The following CLYBL variants were observed in gnomAD, a reference collection of about 807,000 sequenced individuals.
CLYBL encodes the protein citramalyl-CoA lyase, mitochondrial.
CLYBL carries 31 observed loss-of-function variants against 38.9 expected under a neutral mutation model. That is an observed-to-expected ratio of 0.80 (90% confidence interval 0.60 to 1.08). The LOEUF is 1.08. CLYBL is among the 50% of genes least tolerant of loss of function. The pLI is 0.00. For synonymous variants in CLYBL, 171 were observed against 158.6 expected (o/e 1.08, Z -0.59); for missense variants, 434 against 411.6 (o/e 1.05, Z -0.47).
At chr13:99,651,667 C>G (rs2047254987) in intron 1 of CLYBL, among the ~76,000 whole-genome samples, 1 of 152,160 alleles carries the variant, frequency 6.6e-6, no homozygotes, top group Non-Finnish European at 1.5e-5. Context: ...TGCAGTGGCT[C>G]ACGCCTGTAA....
In CLYBL at chr13:99,880,798, G is replaced by C. The variant is rs112101976; in HGVS notation, c.927+9736G>C. Among the ~76,000 whole-genome samples the C allele has an allele frequency of 1.3e-3, 200 of 152,344 alleles. 3 individuals carry two copies. Among genetic ancestry groups the C allele is most frequent in the South Asian group, 3.9e-3 (19 of 4,830 alleles). On this transcript the variant is annotated intron_variant, in intron 7 of 8. Coordinates refer to ENST00000339105, the MANE Select transcript of CLYBL (RefSeq NM_206808.5). The stretch of plus-strand genomic sequence containing the variant: ...CCCTTCCGTGCCCCTCATGGCCCTG[G>C]CCTCTGAGTGACAGCCAGAGAGCTA...
chr13:99,811,766 C>T (rs909777783), intron 2 of CLYBL, among the ~76,000 whole-genome samples: 2 of 152,146 alleles, frequency 1.3e-5, no homozygotes, highest in East Asian at 3.9e-4. Flanking sequence ...ACAAACAGGG[C>T]ACTCAGCTTC....
downstream of CLYBL, chr13:99,895,229 A>C (rs1453170167): frequency 6.6e-6 from 1 of 152,088 alleles, no homozygotes; most frequent in African/African-American, 2.4e-5. Flanking sequence ...TGATGCCACG[A>C]GGAGAAAAAA....
chr13:99,607,654 G>A (rs184166547), intron 1 of CLYBL, among the ~76,000 whole-genome samples: 2 of 152,332 alleles, frequency 1.3e-5, no homozygotes, highest in East Asian at 3.9e-4. Context: ...GGGTCAGAAA[G>A]GTTAAGGATT....
At chr13:99,857,048 C>A (rs1225604111) in intron 2 of CLYBL, among the ~76,000 whole-genome samples, 1 of 151,910 alleles carries the variant, frequency 6.6e-6, no homozygotes, top group African/African-American at 2.4e-5. Context: ...GGCACCGTGG[C>A]TCACACCTGT....
At chr13:99,668,479 G>A (rs2047515718) in intron 1 of CLYBL, among the ~76,000 whole-genome samples, 1 of 151,460 alleles carries the variant, frequency 6.6e-6, no homozygotes, top group African/African-American at 2.4e-5. Flanking sequence ...CCAGCTACTC[G>A]GGAGGCTGAG....
At chr13:99,721,046 T>C (rs1204240863) in intron 1 of CLYBL, among the ~76,000 whole-genome samples, 1 of 151,698 alleles carries the variant, frequency 6.6e-6, no homozygotes, top group Non-Finnish European at 1.5e-5. Context: ...ATTCTTTTTT[T>C]TTTTTTTTCT....
chr13:99,885,790 A>C (rs182535817), intron 7 of CLYBL, among the ~76,000 whole-genome samples: 72 of 152,282 alleles, frequency 4.7e-4, no homozygotes, highest in African/African-American at 1.5e-3. Context: ...AAGAAGAATG[A>C]AACAGTGCCC....
chr13:99,632,904 T>G (rs769865169), intron 1 of CLYBL, among the ~76,000 whole-genome samples: 11 of 152,124 alleles, frequency 7.2e-5, no homozygotes, highest in Non-Finnish European at 4.4e-5. Context: ...TTAATAAAAA[T>G]GTATACACAA....
intron 7 of CLYBL, chr13:99,885,171 A>G (rs2052319469): frequency 2.0e-6 from 1 of 490,408 alleles, no homozygotes; most frequent in African/African-American, 1.9e-5. Flanking sequence ...AATGTAAACA[A>G]ATACTCTCAC....
chr13:99,891,621 T>A (rs989199738), intron 8 of CLYBL, 184 bp downstream of exon 8: 1 of 513,692 alleles, frequency 1.9e-6, no homozygotes, highest in African/African-American at 1.9e-5. Context: ...GGATCCAAGC[T>A]TATGATTTTA....
intron 1 of CLYBL, among the ~76,000 whole-genome samples, chr13:99,650,591 G>C (rs1328816064): frequency 2.6e-5 from 4 of 152,158 alleles, no homozygotes; most frequent in Non-Finnish European, 5.9e-5. Context: ...TAGAGAGTAA[G>C]GTCAGCACAG....
chr13:99,616,236 T>A (rs879094309), intron 1 of CLYBL, among the ~76,000 whole-genome samples: 4 of 149,720 alleles, frequency 2.7e-5, no homozygotes, highest in Admixed American at 2.0e-4. Flanking sequence ...CATAGCTTAC[T>A]GCAGCCTTGA....
At chr13:99,670,626 TACTG>T (rs2047551795) in intron 1 of CLYBL, among the ~76,000 whole-genome samples, 2 of 152,290 alleles carry the variant, frequency 1.3e-5, no homozygotes, top group Admixed American at 1.3e-4. Flanking sequence ...TTTCCTCAAT[TACTG>T]ACTTTTTTCA....
chr13:99,876,420 CAAAAAAAAAAA>C (rs35512772), intron 7 of CLYBL, among the ~76,000 whole-genome samples: 1 of 70,116 alleles, frequency 1.4e-5, no homozygotes. Flanking sequence ...GACTCCGTCT[CAAAAAAAAAAA>C]AAAAAAAAAA....
At chr13:99,702,495 G>A (rs1009513723) in intron 1 of CLYBL, among the ~76,000 whole-genome samples, 5 of 152,018 alleles carry the variant, frequency 3.3e-5, no homozygotes, top group Admixed American at 1.3e-4. Flanking sequence ...AGCCGGGCGT[G>A]GTGTCGCATG....
chr13:99,754,616 G>A (rs981336049), intron 1 of CLYBL, among the ~76,000 whole-genome samples: 5 of 150,670 alleles, frequency 3.3e-5, no homozygotes, highest in African/African-American at 4.9e-5. Context: ...ACAAAGTCGC[G>A]TTCTGTAGCC....
chr13:99,606,910 C>T (rs1396807721), intron 1 of CLYBL, among the ~76,000 whole-genome samples, 153 bp downstream of exon 1: 1 of 152,216 alleles, frequency 6.6e-6, no homozygotes, highest in Admixed American at 6.5e-5. Context: ...CTGGCTCGAC[C>T]TCGTCCAAGG....
At chr13:99,685,927 A>C (rs2047810496) in intron 1 of CLYBL, among the ~76,000 whole-genome samples, 1 of 152,032 alleles carries the variant, frequency 6.6e-6, no homozygotes, top group Non-Finnish European at 1.5e-5. Flanking sequence ...GCGCCATTGC[A>C]CTCCAGCCTG....
Sources: allele counts gnomAD v4.1 joint callset (sites outside exome capture counted in the v4.1 genomes callset), GRCh38; gene constraint gnomAD v4.1.1; transcripts MANE v1.5; gene names NCBI Gene and HGNC (gene_info 2026-07-23, HGNC 2026-07-21).